DSCAM: variants seen among roughly 807,000 people sequenced by gnomAD.
The protein encoded by DSCAM is cell adhesion molecule DSCAM.
In DSCAM, 47 loss-of-function variants were observed where a neutral mutation model predicts 217.7. The observed-to-expected ratio is 0.22, with a 90% CI of 0.17 to 0.28. The LOEUF (loss-of-function observed/expected upper bound fraction) is 0.28. DSCAM is among the 10% of genes least tolerant of loss of function. The pLI, the probability that DSCAM is intolerant of heterozygous loss-of-function variation, is 1.00. For missense variants in DSCAM, 2,080 were observed against 2,618.3 expected, an observed-to-expected ratio of 0.79 and a Z score of 4.49; for synonymous variants, 1,056 against 1,015.3, an observed-to-expected ratio of 1.04 and a Z score of -0.76.
chr21:40,425,372 CAA>C (rs1181314632), intron 3 of DSCAM, among the ~76,000 whole-genome samples: 1 of 151,950 alleles, frequency 6.6e-6, no homozygotes, highest in Non-Finnish European at 1.5e-5. Context: ...CTAAAAATAA[CAA>C]AAATTATGAG....
intron 3 of DSCAM, among the ~76,000 whole-genome samples, chr21:40,460,968 A>G (rs2075800951): frequency 6.6e-6 from 1 of 152,202 alleles, no homozygotes; most frequent in South Asian, 2.1e-4. Flanking sequence ...TACAACAGAT[A>G]TACGGTGCAT....
intron 18 of DSCAM, among the ~76,000 whole-genome samples, chr21:40,134,267 C>T (rs2090184868): frequency 6.6e-6 from 1 of 152,122 alleles, no homozygotes; most frequent in Non-Finnish European, 1.5e-5. Flanking sequence ...AAGTAATTCG[C>T]TCCAAGTTAA....
intron 8 of DSCAM, among the ~76,000 whole-genome samples, chr21:40,335,293 G>A (rs865805311): frequency 6.6e-6 from 1 of 152,096 alleles, no homozygotes; most frequent in African/African-American, 2.4e-5. Flanking sequence ...TTGCAAAGGA[G>A]CTGACAAGTT....
intron 11 of DSCAM, among the ~76,000 whole-genome samples, chr21:40,201,408 C>CATAGG (rs2091068448): frequency 6.6e-6 from 1 of 151,578 alleles, no homozygotes; most frequent in Non-Finnish European, 1.5e-5. Flanking sequence ...TGGTTCTGTA[C>CATAGG]ATAGGTACTA....
chr21:40,643,330 G>A (rs1029151421), intron 3 of DSCAM, among the ~76,000 whole-genome samples: 1 of 152,154 alleles, frequency 6.6e-6, no homozygotes, highest in Non-Finnish European at 1.5e-5. Context: ...TATTTTACAA[G>A]TGAGCAACCT....
chr21:40,249,249 C>T lies in DSCAM; in HGVS notation c.2356+26848G>A, dbSNP rs377543945. 1.3e-4 allele frequency among the ~76,000 whole-genome samples: 20 copies of T among 152,282 alleles called. No individual in the cohort carries two copies. The South Asian group carries it at 3.9e-3, about 30-fold the overall frequency. ...CACCCAAATCTCATCTTGAATTGTA[C>T]TCCCATAATTCCCATGTGTTGTGGG... On this transcript the variant is annotated intron_variant, in intron 11 of 32. Transcript: ENST00000400454.
At chr21:40,350,560 T>A in intron 5 of DSCAM, among the ~76,000 whole-genome samples, 1 of 152,174 alleles carries the variant, frequency 6.6e-6, no homozygotes, top group Non-Finnish European at 1.5e-5. Context: ...TCTTCTAGGT[T>A]GATAAGACAA....
At chr21:40,341,934 TTGAC>T (rs759622847) in intron 6 of DSCAM, among the ~76,000 whole-genome samples, 3 of 152,204 alleles carry the variant, frequency 2.0e-5, no homozygotes, top group Non-Finnish European at 2.9e-5. Flanking sequence ...TTTGTGTTTC[TTGAC>T]TTTTACATTT....
At chr21:40,418,363 A>C (rs916933592) in intron 3 of DSCAM, among the ~76,000 whole-genome samples, 12 of 152,220 alleles carry the variant, frequency 7.9e-5, no homozygotes, top group African/African-American at 2.9e-4. Context: ...CCAACCAATA[A>C]GTTTTAATTG....
intron 11 of DSCAM, among the ~76,000 whole-genome samples, chr21:40,267,850 C>T (rs8131989): frequency 0.016 from 2,369 of 151,904 alleles, 76 homozygotes; most frequent in African/African-American, 0.055. Context: ...GAGCTGAGAT[C>T]GTGCCATTGC....
chr21:40,540,114 C>T (rs2076531843), intron 3 of DSCAM, among the ~76,000 whole-genome samples: 2 of 152,286 alleles, frequency 1.3e-5, no homozygotes, highest in African/African-American at 4.8e-5. Flanking sequence ...TCTTAACACA[C>T]AATGACTAAT....
intron 3 of DSCAM, among the ~76,000 whole-genome samples, chr21:40,605,069 G>A (rs34866292): frequency 0.2 from 30,506 of 152,130 alleles, 3,356 homozygotes; most frequent in East Asian, 0.31. Flanking sequence ...CAGAACTGGA[G>A]GGGATTTTTC....
At chr21:40,190,682 T>C (rs1432532866) in intron 11 of DSCAM, among the ~76,000 whole-genome samples, 1 of 152,200 alleles carries the variant, frequency 6.6e-6, no homozygotes, top group Non-Finnish European at 1.5e-5. Flanking sequence ...GATAATGGCC[T>C]GAGGAGCCTA....
chr21:40,216,424 T>C (rs1193860787), intron 11 of DSCAM, among the ~76,000 whole-genome samples: 1 of 152,078 alleles, frequency 6.6e-6, no homozygotes, highest in African/African-American at 2.4e-5. Context: ...AATGATCCAT[T>C]TTTTTATGAA....
At chr21:40,297,676 A>C (rs1374365220) in intron 9 of DSCAM, among the ~76,000 whole-genome samples, 2 of 152,192 alleles carry the variant, frequency 1.3e-5, no homozygotes, top group Non-Finnish European at 2.9e-5. Flanking sequence ...TAAAATAACA[A>C]AGGAGGAAGG....
chr21:40,530,314 A>T (rs1368782315), intron 3 of DSCAM, among the ~76,000 whole-genome samples: 1 of 152,198 alleles, frequency 6.6e-6, no homozygotes, highest in African/African-American at 2.4e-5. Flanking sequence ...TCTCAATTTG[A>T]CTTTTGTTGA....
At chr21:40,336,189 G>C (rs971489666) in intron 8 of DSCAM, among the ~76,000 whole-genome samples, 1 of 152,062 alleles carries the variant, frequency 6.6e-6, no homozygotes, top group East Asian at 1.9e-4. Flanking sequence ...TTGCAAATTC[G>C]ACCAGCTGCT....
At chr21:40,636,288 T>A (rs1363512034) in intron 3 of DSCAM, among the ~76,000 whole-genome samples, 1 of 152,020 alleles carries the variant, frequency 6.6e-6, no homozygotes, top group South Asian at 2.1e-4. Flanking sequence ...ACTGTGGTTC[T>A]CGGGGGCTTA....
chr21:40,633,267 G>A (rs1405048166), intron 3 of DSCAM, among the ~76,000 whole-genome samples: 1 of 152,144 alleles, frequency 6.6e-6, no homozygotes, highest in East Asian at 1.9e-4. Context: ...TCTGGCACAT[G>A]GTCACGTGAA....
Sources: gnomAD v4.1 joint callset for allele counts (sites outside exome capture counted in the v4.1 genomes callset) on GRCh38, gnomAD v4.1.1 for gene constraint, MANE v1.5 for transcripts, NCBI Gene and HGNC (gene_info 2026-07-23, HGNC 2026-07-21) for gene names.